Variants in SETD3 observed in about 807,000 individuals in gnomAD.
SETD3 encodes the protein actin-histidine N-methyltransferase.
SETD3 carries 19 observed loss-of-function variants against 63.0 expected under a neutral mutation model. That is an observed-to-expected ratio of 0.30 (90% confidence interval 0.21 to 0.44). The LOEUF (loss-of-function observed/expected upper bound fraction) is 0.44. SETD3 is among the 20% of genes least tolerant of loss of function. The pLI is 1.00. For synonymous variants in SETD3, 286 were observed against 264.1 expected (o/e 1.08, Z -0.80); for missense variants, 587 against 728.5 (o/e 0.81, Z 2.24).
chr14:99,437,521 C>CGTG (rs779250230), intron 6 of SETD3, among the ~76,000 whole-genome samples: 24 of 152,176 alleles, frequency 1.6e-4, no homozygotes, highest in Non-Finnish European at 2.5e-4. Flanking sequence ...GAAACTACAC[C>CGTG]AGCACCTCTC....
intron 6 of SETD3, among the ~76,000 whole-genome samples, chr14:99,449,770 TC>T (rs1894353235): frequency 6.6e-6 from 1 of 152,258 alleles, no homozygotes; most frequent in Admixed American, 6.5e-5. Flanking sequence ...CTGGTTTAGA[TC>T]ATTAAACTGA....
At chr14:99,410,359 AT>A (rs1032812314) in intron 8 of SETD3, 154 of 1,169,940 alleles carry the variant, frequency 1.3e-4, no homozygotes, top group South Asian at 2.4e-4. Flanking sequence ...AATGTTTTAG[AT>A]TTTTTTTTCA....
intron 6 of SETD3, among the ~76,000 whole-genome samples, chr14:99,415,956 T>C (rs548146411): frequency 3.3e-5 from 5 of 152,278 alleles, no homozygotes; most frequent in South Asian, 2.1e-4. Context: ...TAAAGCAACT[T>C]ACTGTAAACC....
At chr14:99,481,454 G>C, upstream of SETD3, 1 of 398,732 alleles carries the variant, frequency 2.5e-6, no homozygotes, top group Admixed American at 4.4e-5. Flanking sequence ...GAGAGACGTC[G>C]CTGAGGGGCT....
chr14:99,463,615 T>C (rs1468735885), intron 2 of SETD3, 37 bp from the exon 3 acceptor site: 1 of 1,511,834 alleles, frequency 6.6e-7, no homozygotes, highest in South Asian at 1.1e-5. Flanking sequence ...AACACTTCTC[T>C]CTTTCAACTT....
At chr14:99,466,924 C>T (rs1279155659) in intron 1 of SETD3, among the ~76,000 whole-genome samples, 2 of 152,214 alleles carry the variant, frequency 1.3e-5, no homozygotes, top group African/African-American at 4.8e-5. Flanking sequence ...TACACTTTAT[C>T]TCAAGTGAGA....
chr14:99,480,188 G>A (rs1240124040), intron 1 of SETD3, among the ~76,000 whole-genome samples: 1 of 152,162 alleles, frequency 6.6e-6, no homozygotes, highest in Non-Finnish European at 1.5e-5. Context: ...GGTGGGCACC[G>A]AGAACTCGCA....
chr14:99,446,816 G>T (rs1024524815), intron 6 of SETD3, among the ~76,000 whole-genome samples: 5 of 152,030 alleles, frequency 3.3e-5, no homozygotes, highest in Non-Finnish European at 7.4e-5. Flanking sequence ...CCGAGGGCAG[G>T]ATGCAGATGC....
In SETD3 at chr14:99,438,706, G is replaced by A. The variant is rs116020100; in HGVS notation, c.675+19573C>T. Among the ~76,000 whole-genome samples, 885 of 152,282 alleles carry A rather than the reference G, an allele frequency of 5.8e-3. 9 individuals are homozygous for A. The highest frequency in any genetic ancestry group is 0.02 in the African/African-American group (846 of 41,560). On this transcript the variant is annotated intron_variant, in intron 6 of 12. Coordinates refer to ENST00000331768, the MANE Select transcript of SETD3 (RefSeq NM_032233.3). ...CGTCCACCTCCCTGCCGCTGGGGTT[G>A]TCATTAAGCAAGCAACCAAACCAGT...
Position 99,398,095 on chromosome 14 carries a change from A to G in SETD3, c.*584T>C, listed in dbSNP as rs1257019686. The G allele has an allele frequency of 6.6e-6, 1 of 152,628 alleles. No homozygotes were observed. Among genetic ancestry groups the G allele is most frequent in the Non-Finnish European group, 1.5e-5 (1 of 68,092 alleles). The allele number at this position is 152,628 out of a possible 1,614,324, so 9.5% of individuals were successfully genotyped here. A position where few individuals can be genotyped will look rare whatever the true frequency, so the allele number is the denominator to read the frequency against. ...TTTATATATATATTTTTATATAATT[A>G]GGATTATCATCATTTCAAACTATTA... On this transcript the variant is annotated 3_prime_UTR_variant, in exon 13 of 13. Coordinates refer to ENST00000331768, the MANE Select transcript of SETD3 (RefSeq NM_032233.3).
At chr14:99,476,444 T>A (rs1012724939) in intron 1 of SETD3, among the ~76,000 whole-genome samples, 1 of 152,226 alleles carries the variant, frequency 6.6e-6, no homozygotes, top group Non-Finnish European at 1.5e-5. Flanking sequence ...CAGGTTAAAT[T>A]TGGGACATGG....
intron 11 of SETD3, among the ~76,000 whole-genome samples, chr14:99,400,575 C>T (rs1482195994): frequency 6.6e-6 from 1 of 152,194 alleles, no homozygotes; most frequent in East Asian, 1.9e-4. Flanking sequence ...AGACAATCTA[C>T]AGCCATGTAC....
At chr14:99,478,781 GAGTA>G (rs1896104803) in intron 1 of SETD3, 2 of 152,192 alleles carry the variant, frequency 1.3e-5, no homozygotes, top group African/African-American at 4.8e-5. Flanking sequence ...CCAGGCAGGA[GAGTA>G]CTGTGTTCCA....
intron 6 of SETD3, among the ~76,000 whole-genome samples, chr14:99,434,468 G>T (rs1318418834): frequency 6.6e-6 from 1 of 152,128 alleles, no homozygotes; most frequent in African/African-American, 2.4e-5. Flanking sequence ...ACACGGGCGG[G>T]GCACTGACGG....
chr14:99,449,753 T>A lies in SETD3; in HGVS notation c.675+8526A>T, dbSNP rs1894352430. On this transcript the variant is annotated intron_variant, in intron 6 of 12. Coordinates refer to ENST00000331768, the MANE Select transcript of SETD3 (RefSeq NM_032233.3). ...TCAGTTAATAGTATCGTACCACGGT[T>A]GACTTCCTGGTTTAGATCATTAAAC... Among the ~76,000 whole-genome samples, 3 of 152,260 alleles carry A rather than the reference T, an allele frequency of 2.0e-5. No individual in the cohort carries two copies. In the South Asian group the frequency reaches 6.2e-4, roughly 32 times the overall value.
chr14:99,410,217 T>C (rs760742584), intron 8 of SETD3: 2 of 1,613,730 alleles, frequency 1.2e-6, no homozygotes, highest in South Asian at 2.2e-5. Flanking sequence ...TTCTGGTGTC[T>C]GAAGAATAGC....
rs183665235 is a variant in SETD3, at chr14:99,415,343, T to C, written c.676-1409A>G. 8.5e-5 allele frequency among the ~76,000 whole-genome samples: 13 copies of C among 152,328 alleles called. No homozygotes were observed. In the East Asian group the frequency reaches 2.3e-3, roughly 27 times the overall value. ...AGCCCCCACTAAGAAGTCTGACTTA[T>C]TAAATGGCAGAAAAGATGACAATAT... is the stretch of plus-strand genomic sequence containing the variant. On this transcript the variant is annotated intron_variant, in intron 6 of 12. Coordinates refer to ENST00000331768, the MANE Select transcript of SETD3 (RefSeq NM_032233.3).
In SETD3 at chr14:99,399,741, ATTTTTT is replaced by A. The variant is rs150317244; in HGVS notation, c.1338+352_1338+357del. Among the ~76,000 whole-genome samples the A allele has an allele frequency of 4.7e-5, 6 of 127,722 alleles. 1 individual carries two copies. Among genetic ancestry groups the A allele is most frequent in the Admixed American group, 2.5e-4 (3 of 12,066 alleles). 83.8% of individuals were successfully genotyped at this position (127,722 alleles called of 152,430 possible). A position where few individuals can be genotyped will look rare whatever the true frequency, so the allele number is the denominator to read the frequency against. On this transcript the variant is annotated intron_variant, in intron 12 of 12. Transcript: ENST00000331768. ...GAATTAACAAGAAATCTTTCATTAA[ATTTTTT>A]TTTTTTTTTTTTTTTTTTTTTGAGA...
At chr14:99,482,312 G>C (rs1426237149), upstream of SETD3, among the ~76,000 whole-genome samples, 1 of 152,212 alleles carries the variant, frequency 6.6e-6, no homozygotes, top group Non-Finnish European at 1.5e-5. Context: ...CTAGCACAAT[G>C]CCTTGCAGTT....
Sources: gnomAD v4.1 joint callset for allele counts (sites outside exome capture counted in the v4.1 genomes callset) on GRCh38, gnomAD v4.1.1 for gene constraint, MANE v1.5 for transcripts, NCBI Gene and HGNC (gene_info 2026-07-23, HGNC 2026-07-21) for gene names.